The following GALNT17 variants were observed in gnomAD, a reference collection of about 807,000 sequenced individuals.
GALNT17 encodes polypeptide N-acetylgalactosaminyltransferase 17, also known as UDP-GalNAc:polypeptide N-acetylgalactosaminyltransferase-like 3.
Under a neutral mutation model 63.7 loss-of-function variants are expected in GALNT17, and 29 were observed. The observed-to-expected ratio is 0.46, with a 90% CI of 0.34 to 0.62. The LOEUF is 0.62. GALNT17 is among the 20% of genes least tolerant of loss of function. The probability of loss-of-function intolerance (pLI) is 0.01; values close to 1 mark genes in which losing one functional copy is unlikely to be tolerated. For synonymous variants in GALNT17, 305 were observed against 318.3 expected, an observed-to-expected ratio of 0.96 and a Z score of 0.45; for missense variants, 603 against 799.6, an observed-to-expected ratio of 0.75 and a Z score of 2.97.
chr7:71,295,963 T>G (rs1005363635), intron 1 of GALNT17, among the ~76,000 whole-genome samples: 1 of 152,010 alleles, frequency 6.6e-6, no homozygotes, highest in South Asian at 2.1e-4. Flanking sequence ...CATATTTTCC[T>G]TGGTCACATA....
chr7:71,160,569 C>T (rs1015846917), intron 1 of GALNT17, among the ~76,000 whole-genome samples: 3 of 152,130 alleles, frequency 2.0e-5, no homozygotes, highest in African/African-American at 7.2e-5. Context: ...AGAGATTGTC[C>T]TGCCTCAGCC....
At chr7:71,315,978 G>A (rs1172549150) in intron 1 of GALNT17, among the ~76,000 whole-genome samples, 6 of 152,110 alleles carry the variant, frequency 3.9e-5, no homozygotes, top group Admixed American at 1.3e-4. Flanking sequence ...TGTCAACTAC[G>A]GTGAGAGGGC....
intron 6 of GALNT17, among the ~76,000 whole-genome samples, chr7:71,599,274 T>C (rs935982782): frequency 1.3e-5 from 2 of 152,144 alleles, no homozygotes; most frequent in Non-Finnish European, 2.9e-5. Flanking sequence ...TCCAATTGCA[T>C]TGGGAAGCCC....
At chr7:71,589,813 G>A (rs776094459) in intron 6 of GALNT17, among the ~76,000 whole-genome samples, 20 of 152,190 alleles carry the variant, frequency 1.3e-4, no homozygotes, top group Non-Finnish European at 2.1e-4. Context: ...CATAATTTGA[G>A]TTCTATGAGG....
intron 1 of GALNT17, among the ~76,000 whole-genome samples, chr7:71,145,742 G>A (rs1190328621): frequency 3.3e-5 from 5 of 151,972 alleles, no homozygotes; most frequent in Non-Finnish European, 5.9e-5. Context: ...AGTCTCACTC[G>A]TTGCCCAGGC....
chr7:71,189,790 TA>T (rs1788916337), intron 1 of GALNT17, among the ~76,000 whole-genome samples: 1 of 150,820 alleles, frequency 6.6e-6, no homozygotes, highest in Admixed American at 6.6e-5. Context: ...AGACTATACA[TA>T]AAATAAGCAA....
intron 2 of GALNT17, among the ~76,000 whole-genome samples, chr7:71,350,312 A>G (rs182635747): frequency 2.1e-3 from 325 of 152,266 alleles, no homozygotes; most frequent in Admixed American, 4.2e-3. Context: ...CCCACACACC[A>G]GGCACTATGT....
At chr7:71,223,391 A>G (rs1424737205) in intron 1 of GALNT17, among the ~76,000 whole-genome samples, 1 of 152,076 alleles carries the variant, frequency 6.6e-6, no homozygotes, top group Non-Finnish European at 1.5e-5. Context: ...ATGAATATTT[A>G]TTTTAACCTT....
intron 6 of GALNT17, among the ~76,000 whole-genome samples, chr7:71,615,468 CTTTTTTTTTTTTTT>C (rs59981146): frequency 1.7e-5 from 1 of 60,188 alleles, no homozygotes; most frequent in Non-Finnish European, 2.9e-5. Flanking sequence ...GAGCAAAGCA[CTTTTTTTTTTTTTT>C]TTTTTTTTTT....
intron 1 of GALNT17, among the ~76,000 whole-genome samples, chr7:71,251,664 G>A (rs953655040): frequency 4.6e-5 from 7 of 152,068 alleles, no homozygotes; most frequent in Admixed American, 2.0e-4. Context: ...CTCTCTTCCC[G>A]GAGTGCTGAG....
chr7:71,144,863 G>A (rs946130640), intron 1 of GALNT17, among the ~76,000 whole-genome samples: 1 of 152,126 alleles, frequency 6.6e-6, no homozygotes. Context: ...CAAGTAGCTG[G>A]GACTACAGGT....
chr7:71,428,812 C>T (rs564784274), intron 5 of GALNT17, among the ~76,000 whole-genome samples: 7 of 152,260 alleles, frequency 4.6e-5, no homozygotes, highest in African/African-American at 1.4e-4. Flanking sequence ...ATTTGCACAC[C>T]TTTGTCCCTC....
intron 9 of GALNT17, among the ~76,000 whole-genome samples, chr7:71,687,308 C>G (rs902828310): frequency 6.6e-6 from 1 of 152,192 alleles, no homozygotes; most frequent in Admixed American, 6.5e-5. Flanking sequence ...ATACATCATC[C>G]AAACACCTTG....
chr7:71,519,568 A>G (rs1277874502), intron 5 of GALNT17, among the ~76,000 whole-genome samples: 2 of 152,072 alleles, frequency 1.3e-5, no homozygotes, highest in Admixed American at 1.3e-4. Context: ...GGTTCAAGTG[A>G]TTCTTGTGCC....
At chr7:71,558,206 A>T (rs1302225098) in intron 5 of GALNT17, among the ~76,000 whole-genome samples, 11 of 152,224 alleles carry the variant, frequency 7.2e-5, no homozygotes, top group African/African-American at 2.4e-4. Context: ...CTGGATAGTA[A>T]ATCCAGGCAA....
chr7:71,318,008 A>C (rs1211435071), intron 1 of GALNT17, among the ~76,000 whole-genome samples: 3 of 151,822 alleles, frequency 2.0e-5, no homozygotes, highest in Non-Finnish European at 4.4e-5. Context: ...TGAAGCGTTG[A>C]TCTCCTGGGC....
intron 6 of GALNT17, among the ~76,000 whole-genome samples, chr7:71,616,421 A>G (rs1790203828): frequency 6.7e-6 from 1 of 150,120 alleles, no homozygotes; most frequent in Non-Finnish European, 1.5e-5. Context: ...CTCTCCTGGA[A>G]ATATTTTTTT....
rs371156053 is a variant in GALNT17 at position 71,360,601 on chromosome 7, TAA to T, written c.422+24869_422+24870del. On this transcript the variant is annotated intron_variant, in intron 2 of 10. Coordinates refer to ENST00000333538, the MANE Select transcript of GALNT17 (RefSeq NM_022479.3). ...CATTGCCATTGTTCCTCTCTCCTAA[TAA>T]GAGTGTGTAAATTACAGATACAGAT... Among the ~76,000 whole-genome samples the T allele has an allele frequency of 1.0e-3, 159 of 152,342 alleles. No individual in the cohort carries two copies. The Middle Eastern group carries it at 0.024, about 23-fold the overall frequency.
chr7:71,283,600 C>T (rs1269279139), intron 1 of GALNT17, among the ~76,000 whole-genome samples: 1 of 152,068 alleles, frequency 6.6e-6, no homozygotes, highest in Non-Finnish European at 1.5e-5. Context: ...GTGTCCCCAT[C>T]CAAATCTTAT....
Sources: allele counts gnomAD v4.1 joint callset (sites outside exome capture counted in the v4.1 genomes callset), GRCh38; gene constraint gnomAD v4.1.1; transcripts MANE v1.5; gene names NCBI Gene and HGNC (gene_info 2026-07-23, HGNC 2026-07-21).